Variants in ZFHX3 observed in about 807,000 individuals in gnomAD.
The protein encoded by ZFHX3 is zinc finger homeobox 3, also known as zinc finger homeobox protein 3.
ZFHX3 carries 42 observed loss-of-function variants against 279.1 expected under a neutral mutation model. That is an observed-to-expected ratio of 0.15 (90% CI 0.12 to 0.19). ZFHX3 has a LOEUF of 0.19. ZFHX3 is among the 10% of genes least tolerant of loss of function. The pLI is 1.00. For synonymous variants in ZFHX3, 2,293 were observed against 1,957.8 expected (o/e 1.17, Z -4.52); for missense variants, 4,981 against 4,754.0 (o/e 1.05, Z -1.40).
At chr16:73,112,108 C>T (rs536123327) in intron 7 of ZFHX3, among the ~76,000 whole-genome samples, 5 of 152,072 alleles carry the variant, frequency 3.3e-5, no homozygotes, top group Middle Eastern at 3.4e-3. Flanking sequence ...GGAGATGCCC[C>T]GGGCATGTTG....
chr16:73,595,845 T>A (rs936002284), intron 2 of ZFHX3, among the ~76,000 whole-genome samples: 1 of 152,130 alleles, frequency 6.6e-6, no homozygotes, highest in Non-Finnish European at 1.5e-5. Context: ...GGCACCTTCC[T>A]CTCCCTCACC....
intron 2 of ZFHX3, among the ~76,000 whole-genome samples, chr16:73,659,647 A>G (rs137858865): frequency 6.6e-6 from 1 of 152,186 alleles, no homozygotes; most frequent in African/African-American, 2.4e-5. Flanking sequence ...TGGATACACA[A>G]ATTCATTAAG....
intron 1 of ZFHX3, among the ~76,000 whole-genome samples, chr16:73,729,066 T>C (rs1251493403): frequency 1.3e-5 from 2 of 152,102 alleles, no homozygotes; most frequent in East Asian, 1.9e-4. Context: ...GGTCAGGACA[T>C]AGAGATAAAC....
chr16:73,840,108 G>C (rs747450768), intron 1 of ZFHX3, among the ~76,000 whole-genome samples: 1 of 152,168 alleles, frequency 6.6e-6, no homozygotes, highest in Non-Finnish European at 1.5e-5. Context: ...TACACAGCAG[G>C]CATTCAATAC....
rs1359655943 is a variant in ZFHX3 at position 73,629,410 on chromosome 16, C to T, written c.-1547+50770G>A. ...AAGTCAGCTTCTTAAAATTACATTG[C>T]TGGTGTTTATGATTCATATTACAAG... On this transcript the variant is annotated intron_variant, in intron 2 of 17. Transcript: ENST00000641206. Among the ~76,000 whole-genome samples, 9 of 152,048 alleles carry T rather than the reference C, an allele frequency of 5.9e-5. No homozygotes were observed. The East Asian group carries it at 1.5e-3, about 26-fold the overall frequency.
intron 3 of ZFHX3, among the ~76,000 whole-genome samples, chr16:73,357,994 C>T (rs59943394): frequency 0.015 from 2,244 of 152,334 alleles, 68 homozygotes; most frequent in African/African-American, 0.05. Context: ...CTCTCGGGAG[C>T]ATCTTGCTGC....
At chr16:73,715,025 C>G (rs538601333) in intron 1 of ZFHX3, among the ~76,000 whole-genome samples, 1 of 152,196 alleles carries the variant, frequency 6.6e-6, no homozygotes, top group Non-Finnish European at 1.5e-5. Context: ...TCTGCCCTCC[C>G]TACCCCCATG....
intron 7 of ZFHX3, among the ~76,000 whole-genome samples, chr16:73,122,399 G>A: frequency 6.6e-6 from 1 of 151,682 alleles, no homozygotes. Context: ...TAGAGACAGG[G>A]TTTCATCATG....
chr16:72,924,446 C>G (rs1308725985), intron 3 of ZFHX3, among the ~76,000 whole-genome samples: 2 of 152,182 alleles, frequency 1.3e-5, no homozygotes, highest in African/African-American at 4.8e-5. Flanking sequence ...ATACACCTGC[C>G]TTTGTGTCCA....
intron 1 of ZFHX3, among the ~76,000 whole-genome samples, chr16:73,878,966 G>C (rs1201932845): frequency 1.5e-5 from 2 of 136,864 alleles, no homozygotes; most frequent in Non-Finnish European, 3.1e-5. Flanking sequence ...TATATATATA[G>C]TTGTGGAAAC....
chr16:73,363,952 C>T (rs1176200007), intron 3 of ZFHX3, among the ~76,000 whole-genome samples: 2 of 152,110 alleles, frequency 1.3e-5, no homozygotes, highest in Non-Finnish European at 2.9e-5. Context: ...GAGGGTGGAT[C>T]ACTTGAGATC....
chr16:72,853,575 T>C (rs1360191495), intron 4 of ZFHX3, among the ~76,000 whole-genome samples: 1 of 152,240 alleles, frequency 6.6e-6, no homozygotes, highest in African/African-American at 2.4e-5. Flanking sequence ...GCTAAAGTGT[T>C]TTTTAAGCAG....
At chr16:72,916,181 CT>C (rs769417809) in intron 3 of ZFHX3, among the ~76,000 whole-genome samples, 60 of 152,330 alleles carry the variant, frequency 3.9e-4, no homozygotes, top group South Asian at 8.3e-4. Context: ...CTTCCCCCCC[CT>C]CCTCCGCCTT....
intron 1 of ZFHX3, among the ~76,000 whole-genome samples, chr16:73,776,940 T>G (rs1324135606): frequency 1.3e-5 from 2 of 152,152 alleles, no homozygotes; most frequent in Non-Finnish European, 2.9e-5. Flanking sequence ...ATGCACATTG[T>G]GTACCTGAAT....
chr16:73,352,352 T>C (rs1269095736), intron 3 of ZFHX3, among the ~76,000 whole-genome samples: 1 of 152,188 alleles, frequency 6.6e-6, no homozygotes, highest in Non-Finnish European at 1.5e-5. Context: ...TTGACCTCTC[T>C]GTGCCTGGAC....
At chr16:73,695,242 G>GT (rs5817868) in intron 1 of ZFHX3, among the ~76,000 whole-genome samples, 17,398 of 139,096 alleles carry the variant, frequency 0.13, 1,251 homozygotes, top group African/African-American at 0.17. Context: ...GTTTTTTTTT[G>GT]TTTTTTTTTT....
At chr16:73,891,301 A>C (rs1290039602) in intron 1 of ZFHX3, among the ~76,000 whole-genome samples, 2 of 152,094 alleles carry the variant, frequency 1.3e-5, no homozygotes, top group East Asian at 3.9e-4. Context: ...AATCTGTTGA[A>C]GATCAGACGC....
At chr16:73,670,300 A>G (rs2052891182) in intron 2 of ZFHX3, among the ~76,000 whole-genome samples, 1 of 152,222 alleles carries the variant, frequency 6.6e-6, no homozygotes, top group Admixed American at 6.5e-5. Flanking sequence ...GAAAATAATG[A>G]TGCAAGAGAG....
At chr16:73,274,545 T>G (rs1567436973) in intron 4 of ZFHX3, among the ~76,000 whole-genome samples, 1 of 152,234 alleles carries the variant, frequency 6.6e-6, no homozygotes, top group Non-Finnish European at 1.5e-5. Context: ...CACTTTATTT[T>G]TCCTCAAATG....
Sources: gnomAD v4.1 joint callset for allele counts (sites outside exome capture counted in the v4.1 genomes callset) on GRCh38, gnomAD v4.1.1 for gene constraint, MANE v1.5 for transcripts, NCBI Gene and HGNC (gene_info 2026-07-23, HGNC 2026-07-21) for gene names.